The following MAGI2 variants were observed in gnomAD, a reference collection of about 807,000 sequenced individuals.
The protein encoded by MAGI2 is membrane-associated guanylate kinase, WW and PDZ domain-containing protein 2.
Under a neutral mutation model 133.3 loss-of-function variants are expected in MAGI2, and 35 were observed. The observed-to-expected ratio is 0.26, with a 90% CI of 0.20 to 0.35. The LOEUF (loss-of-function observed/expected upper bound fraction) is 0.35. Ranked by LOEUF, MAGI2 falls within the 10% of genes least tolerant of loss-of-function variation. The pLI is 1.00. For synonymous variants in MAGI2, 729 were observed against 710.6 expected (o/e 1.03, Z -0.41); for missense variants, 1,636 against 1,863.4 (o/e 0.88, Z 2.25).
chr7:79,189,531 T>C (rs1827471881), intron 1 of MAGI2, among the ~76,000 whole-genome samples: 1 of 151,412 alleles, frequency 6.6e-6, no homozygotes, highest in South Asian at 2.1e-4. Context: ...ACAGTTTCCA[T>C]TTACCCCTTC....
chr7:79,069,365 G>A (rs1814713978), intron 1 of MAGI2, among the ~76,000 whole-genome samples: 1 of 152,074 alleles, frequency 6.6e-6, no homozygotes, highest in African/African-American at 2.4e-5. Flanking sequence ...TCCCTTCTTT[G>A]TCTCTTGGAT....
At chr7:78,386,647 G>C (rs1795413499) in intron 6 of MAGI2, among the ~76,000 whole-genome samples, 1 of 152,166 alleles carries the variant, frequency 6.6e-6, no homozygotes, top group African/African-American at 2.4e-5. Flanking sequence ...AATGTTAAAA[G>C]CCCAAGTGGA....
At chr7:79,374,084 C>A (rs1369248438) in intron 1 of MAGI2, among the ~76,000 whole-genome samples, 3 of 151,922 alleles carry the variant, frequency 2.0e-5, no homozygotes, top group African/African-American at 7.2e-5. Context: ...ATATGGTACA[C>A]AAACACACCT....
At chr7:78,621,006 G>GT (rs1807672368) in intron 3 of MAGI2, among the ~76,000 whole-genome samples, 1 of 151,950 alleles carries the variant, frequency 6.6e-6, no homozygotes, top group African/African-American at 2.4e-5. Flanking sequence ...GACAACTGCT[G>GT]TAAGTGGTGA....
At chr7:78,441,619 A>G (rs767553594) in intron 6 of MAGI2, among the ~76,000 whole-genome samples, 34 of 151,544 alleles carry the variant, frequency 2.2e-4, no homozygotes, top group Non-Finnish European at 4.4e-5. Context: ...TAGTTAACCC[A>G]GTCATGGAAT....
In MAGI2 at chr7:78,681,550, G is replaced by C. The variant is rs78670007; in HGVS notation, c.419-54311C>G. ...GAAGTCCCCCAGATTAGAACCAATA[G>C]AACCAAATCTACATCTTTCCACTTC... On this transcript the variant is annotated intron_variant, in intron 2 of 21. Transcript: ENST00000354212. Among the ~76,000 whole-genome samples, 76 of 152,158 alleles carry C rather than the reference G, an allele frequency of 5.0e-4. 2 individuals are homozygous for C. In the East Asian group the frequency reaches 0.015, roughly 29 times the overall value.
At chr7:78,386,623 C>T (rs1486593835) in intron 6 of MAGI2, among the ~76,000 whole-genome samples, 2 of 152,150 alleles carry the variant, frequency 1.3e-5, no homozygotes, top group African/African-American at 4.8e-5. Flanking sequence ...AACATACATG[C>T]CAAGCTTTCA....
chr7:78,523,522 T>C (rs1461769540), intron 3 of MAGI2, among the ~76,000 whole-genome samples: 4 of 151,834 alleles, frequency 2.6e-5, no homozygotes, highest in African/African-American at 7.3e-5. Flanking sequence ...ATAAAAAACA[T>C]TGCCCAAGAC....
chr7:78,091,961 G>GT (rs1563110305), intron 20 of MAGI2, among the ~76,000 whole-genome samples: 2 of 152,234 alleles, frequency 1.3e-5, no homozygotes, highest in South Asian at 2.1e-4. Context: ...GAGGATAGCT[G>GT]TAAGTGTGAA....
At chr7:79,406,992 C>A (rs1357800051) in intron 1 of MAGI2, among the ~76,000 whole-genome samples, 3 of 152,054 alleles carry the variant, frequency 2.0e-5, no homozygotes, top group African/African-American at 7.2e-5. Context: ...GTCCAAGTAC[C>A]CCTCCCCTAT....
intron 6 of MAGI2, among the ~76,000 whole-genome samples, chr7:78,418,228 G>C (rs1013715169): frequency 3.3e-5 from 5 of 152,128 alleles, no homozygotes; most frequent in African/African-American, 1.2e-4. Context: ...TTCACTATTG[G>C]AAGAATGGCT....
At chr7:78,741,306 A>G (rs1822395669) in intron 2 of MAGI2, among the ~76,000 whole-genome samples, 1 of 151,280 alleles carries the variant, frequency 6.6e-6, no homozygotes, top group Admixed American at 6.6e-5. Context: ...AAGAAACAGC[A>G]TGAGAACTAC....
intron 2 of MAGI2, among the ~76,000 whole-genome samples, chr7:78,895,345 T>G (rs1186491169): frequency 6.6e-6 from 1 of 152,146 alleles, no homozygotes; most frequent in Non-Finnish European, 1.5e-5. Flanking sequence ...TTTTTTTTCT[T>G]TATAAATTAC....
intron 1 of MAGI2, among the ~76,000 whole-genome samples, chr7:79,317,849 A>G (rs1585550030): frequency 7.3e-6 from 1 of 136,372 alleles, no homozygotes; most frequent in African/African-American, 3.2e-5. Context: ...TTGTTTACTT[A>G]ACTGGAATGT....
At chr7:79,144,518 G>C (rs1585037794) in intron 1 of MAGI2, among the ~76,000 whole-genome samples, 1 of 152,106 alleles carries the variant, frequency 6.6e-6, no homozygotes, top group East Asian at 1.9e-4. Flanking sequence ...GGCCTCCCCA[G>C]CCATGCTATC....
chr7:78,202,470 G>A (rs1829338464), intron 10 of MAGI2, among the ~76,000 whole-genome samples: 2 of 151,916 alleles, frequency 1.3e-5, no homozygotes, highest in Non-Finnish European at 2.9e-5. Context: ...ATTACCCAAG[G>A]TCGGGAGTTT....
chr7:79,290,787 C>T (rs1011135034), intron 1 of MAGI2, among the ~76,000 whole-genome samples: 11 of 152,050 alleles, frequency 7.2e-5, no homozygotes, highest in Non-Finnish European at 1.5e-4. Context: ...CTACCAAATC[C>T]AGAGGAATCT....
chr7:78,073,919 CA>C (rs769362822), intron 21 of MAGI2, among the ~76,000 whole-genome samples: 2 of 152,128 alleles, frequency 1.3e-5, no homozygotes, highest in African/African-American at 2.4e-5. Flanking sequence ...AGATGTGTAT[CA>C]GGGGAGGGGA....
intron 3 of MAGI2, among the ~76,000 whole-genome samples, chr7:78,522,907 G>T (rs1473674565): frequency 6.6e-6 from 1 of 152,086 alleles, no homozygotes; most frequent in Non-Finnish European, 1.5e-5. Flanking sequence ...ATATGTTTGA[G>T]AGAAAAAGGA....
Sources: allele counts gnomAD v4.1 joint callset (sites outside exome capture counted in the v4.1 genomes callset), GRCh38; gene constraint gnomAD v4.1.1; transcripts MANE v1.5; gene names NCBI Gene and HGNC (gene_info 2026-07-23, HGNC 2026-07-21).